PRDM16: variants seen among roughly 807,000 people sequenced by gnomAD.
PRDM16 encodes histone-lysine N-methyltransferase PRDM16.
PRDM16 carries 23 observed loss-of-function variants against 110.6 expected under a neutral mutation model. The observed-to-expected ratio is 0.21, with a 90% CI of 0.15 to 0.29. The LOEUF (loss-of-function observed/expected upper bound fraction) is 0.29. Among genes scored for constraint, PRDM16 ranks in the 10% least tolerant of loss-of-function variants. PRDM16 has a pLI of 1.00. For missense variants in PRDM16, 1,615 were observed against 1,794.3 expected (o/e 0.90, Z 1.81); for synonymous variants, 799 against 781.8 (o/e 1.02, Z -0.37).
chr1:3,387,265 A>T (rs1004294054), intron 4 of PRDM16, among the ~76,000 whole-genome samples: 1 of 152,174 alleles, frequency 6.6e-6, no homozygotes, highest in Non-Finnish European at 1.5e-5. Flanking sequence ...CCCAAACCAC[A>T]GATAATGTCA....
chr1:3,181,137 C>T lies in PRDM16; in HGVS notation c.38-4988C>T, dbSNP rs374474340. On this transcript the variant is annotated intron_variant, in intron 1 of 16. Transcript: ENST00000270722. ...GGCCTTACACACGCAGTCTTACACG[C>T]GGTCTTACACACGCAGTCTTACACG... 3.1e-3 allele frequency among the ~76,000 whole-genome samples: 413 copies of T among 131,712 alleles called. 5 individuals carry two copies. Among genetic ancestry groups the T allele is most frequent in the African/African-American group, 0.01 (387 of 37,908 alleles). The allele number at this position is 131,712 out of a possible 152,430, so 86.4% of individuals were successfully genotyped here.
At chr1:3,223,339 G>T (rs1344661212) in intron 2 of PRDM16, among the ~76,000 whole-genome samples, 6 of 151,976 alleles carry the variant, frequency 3.9e-5, no homozygotes, top group Non-Finnish European at 1.5e-5. Context: ...TGGAGTTTAC[G>T]ATGCCTGTTA....
At chr1:3,172,581 A>G (rs996457287) in intron 1 of PRDM16, among the ~76,000 whole-genome samples, 7 of 152,166 alleles carry the variant, frequency 4.6e-5, no homozygotes, top group African/African-American at 1.7e-4. Context: ...GACAAGCCAA[A>G]GGCGGCACCC....
intron 1 of PRDM16, among the ~76,000 whole-genome samples, chr1:3,094,708 A>C (rs553162075): frequency 2.0e-5 from 3 of 152,340 alleles, no homozygotes; most frequent in African/African-American, 7.2e-5. Context: ...TTCTGTGAGC[A>C]CCGGCCCAGC....
intron 16 of PRDM16, among the ~76,000 whole-genome samples, chr1:3,432,600 G>A (rs930750666): frequency 3.9e-5 from 6 of 152,178 alleles, no homozygotes; most frequent in Admixed American, 6.5e-5. Flanking sequence ...GGCCCCAGGC[G>A]CTTCTCGGCT....
chr1:3,276,670 A>AGGTGCCGTGAACAGAGCCAGCAAGG (rs1553156461), intron 3 of PRDM16, among the ~76,000 whole-genome samples: 60 of 143,968 alleles, frequency 4.2e-4, no homozygotes, highest in African/African-American at 1.3e-3. Context: ...AGCCAGCTCG[A>AGGTGCCGTGAACAGAGCCAGCAAGG]GGTGCCGTGA....
intron 8 of PRDM16, among the ~76,000 whole-genome samples, chr1:3,408,701 TTG>T (rs1643606857): frequency 7.0e-6 from 1 of 142,432 alleles, no homozygotes; most frequent in African/African-American, 3.0e-5. Flanking sequence ...GGTGCATGTG[TTG>T]GCGTGCATGA....
At chr1:3,225,574 G>GTGCGCGCGCGCA (rs1491529163) in intron 2 of PRDM16, among the ~76,000 whole-genome samples, 61 of 135,202 alleles carry the variant, frequency 4.5e-4, no homozygotes, top group African/African-American at 2.0e-3. Flanking sequence ...GTGTGTGTGT[G>GTGCGCGCGCGCA]CGCGCGCGCA....
chr1:3,151,065 A>C (rs1417752911), intron 1 of PRDM16, among the ~76,000 whole-genome samples: 1 of 151,802 alleles, frequency 6.6e-6, no homozygotes, highest in Non-Finnish European at 1.5e-5. Flanking sequence ...TCCAGCAGCC[A>C]CCCTCGGGGA....
At chr1:3,306,237 A>G (rs74048207) in intron 3 of PRDM16, among the ~76,000 whole-genome samples, 1,831 of 152,360 alleles carry the variant, frequency 0.012, 30 homozygotes, top group African/African-American at 0.041. Context: ...CCGCTGGGCC[A>G]TCTGCAGTGG....
In PRDM16 at chr1:3,329,242, T is replaced by C. The variant is rs892503779; in HGVS notation, c.439-55910T>C. Among the ~76,000 whole-genome samples, 3 of 152,330 alleles carry C rather than the reference T, an allele frequency of 2.0e-5. No individual in the cohort carries two copies. In the South Asian group the frequency reaches 6.2e-4, roughly 32 times the overall value. On this transcript the variant is annotated intron_variant, in intron 3 of 16. Transcript: ENST00000270722. The stretch of plus-strand genomic sequence containing the variant: ...CCAGCGGGCATGGTGGTGTTCGTGG[T>C]GGCGTTCCAGATGGTGCTAGGGCAG...
At chr1:3,128,985 G>A (rs1569632529) in intron 1 of PRDM16, among the ~76,000 whole-genome samples, 1 of 152,234 alleles carries the variant, frequency 6.6e-6, no homozygotes, top group East Asian at 1.9e-4. Context: ...TGAGGAGGGT[G>A]GCCCTGGGGA....
intron 3 of PRDM16, among the ~76,000 whole-genome samples, chr1:3,352,717 A>G (rs1642518797): frequency 6.6e-6 from 1 of 152,234 alleles, no homozygotes; most frequent in Non-Finnish European, 1.5e-5. Flanking sequence ...CCCACCCAGT[A>G]TAAAATTATC....
At chr1:3,418,873 G>A in intron 12 of PRDM16, 129 bp downstream of exon 12, 1 of 722,782 alleles carries the variant, frequency 1.4e-6, no homozygotes, top group South Asian at 1.6e-5. Flanking sequence ...GGCAGGGCCG[G>A]GTGCTGAATT....
chr1:3,112,820 G>A (rs982584072), intron 1 of PRDM16, among the ~76,000 whole-genome samples: 2 of 152,264 alleles, frequency 1.3e-5, no homozygotes, highest in Non-Finnish European at 2.9e-5. Flanking sequence ...GCTCAGGGAG[G>A]CAAAGGGGTG....
At chr1:3,302,834 G>T (rs928256667) in intron 3 of PRDM16, among the ~76,000 whole-genome samples, 2 of 152,156 alleles carry the variant, frequency 1.3e-5, no homozygotes, top group Admixed American at 6.5e-5. Flanking sequence ...CCCCAGCTGG[G>T]AGCACACATG....
rs547602678 is a variant in PRDM16, at chr1:3,255,601, C to G, written c.438+11464C>G. ...TAACTCTGTGGCTCGAAACAGCACA[C>G]GGTGCCCCTCCTTATCGCATTCAAC... On this transcript the variant is annotated intron_variant, in intron 3 of 16. Transcript: ENST00000270722. This position sits in a 1 kb window ranked among gnomAD's most constrained non-coding sequence, Gnocchi z 4.7. Among the ~76,000 whole-genome samples, 1 of 152,200 alleles carries G rather than the reference C, an allele frequency of 6.6e-6. No individual in the cohort carries two copies. The highest frequency in any genetic ancestry group is 1.5e-5 in the Non-Finnish European group (1 of 68,036).
At chr1:3,160,521 G>A (rs74926887) in intron 1 of PRDM16, among the ~76,000 whole-genome samples, 1 of 152,336 alleles carries the variant, frequency 6.6e-6, no homozygotes, top group East Asian at 1.9e-4. Flanking sequence ...CAGGGTAAGG[G>A]CGACACAAGG....
intron 1 of PRDM16, among the ~76,000 whole-genome samples, chr1:3,120,852 C>A (rs540976353): frequency 1.3e-5 from 2 of 152,206 alleles, no homozygotes; most frequent in Non-Finnish European, 1.5e-5. Context: ...TTAGAAGCCC[C>A]TTTCCGCTTC....
Sources: allele counts gnomAD v4.1 joint callset (sites outside exome capture counted in the v4.1 genomes callset), GRCh38; gene constraint gnomAD v4.1.1; non-coding constraint Gnocchi (gnomAD v3.1); transcripts MANE v1.5; gene names NCBI Gene and HGNC (gene_info 2026-07-23, HGNC 2026-07-21).